Variants in LMNB2 observed in about 807,000 individuals in gnomAD.
LMNB2 encodes lamin-B2.
Under a neutral mutation model 69.3 loss-of-function variants are expected in LMNB2, and 17 were observed. The observed-to-expected ratio is 0.25, with a 90% CI of 0.17 to 0.37. The LOEUF is 0.37. Ranked by LOEUF, LMNB2 falls within the 10% of genes least tolerant of loss-of-function variation. LMNB2 has a pLI of 1.00. For missense variants in LMNB2, 789 were observed against 883.6 expected, an observed-to-expected ratio of 0.89 and a Z score of 1.36; for synonymous variants, 397 against 389.3, an observed-to-expected ratio of 1.02 and a Z score of -0.23.
At chr19:2,439,190 T>C (rs909421729) in intron 2 of LMNB2, among the ~76,000 whole-genome samples, 1 of 151,884 alleles carries the variant, frequency 6.6e-6, no homozygotes, top group Non-Finnish European at 1.5e-5. Context: ...GGCTGACTCT[T>C]AAATGTTTTT....
rs1174520108 is a variant in LMNB2 at position 2,456,528 on chromosome 19, C to T, written c.264+142G>A. Reference sequence around the variant, plus strand: ...CGAGCTGCACCCCTCACTCAGGGGCCCCCCGAAACCCCGCGGAAACCCCCG... The same window carrying T: ...CGAGCTGCACCCCTCACTCAGGGGCTCCCCGAAACCCCGCGGAAACCCCCG... On this transcript the variant is annotated intron_variant, in intron 1 of 11. Coordinates refer to ENST00000325327, the MANE Select transcript of LMNB2 (RefSeq NM_032737.4). 8.4e-5 allele frequency: 73 copies of T among 866,188 alleles called. 1 individual carries two copies. The highest frequency in any genetic ancestry group is 9.3e-6 in the Non-Finnish European group (6 of 644,122). 53.7% of individuals were successfully genotyped at this position (866,188 alleles called of 1,614,324 possible).
At position 2,430,459 on chromosome 19, in the gene LMNB2, C is replaced by T. The variant is rs529395578; in HGVS notation, c.*452G>A. The stretch of plus-strand genomic sequence containing the variant: ...GGCAGCCAGAATGCAGGCTTGGCCC[C>T]GGGCCCCACCAGGTCGACGCCTGGA... On this transcript the variant is annotated 3_prime_UTR_variant, in exon 12 of 12. Coordinates refer to ENST00000325327, the MANE Select transcript of LMNB2 (RefSeq NM_032737.4). 1,560 of 280,074 alleles carry T rather than the reference C, an allele frequency of 5.6e-3. 20 individuals carry two copies. The highest frequency in any genetic ancestry group is 0.011 in the South Asian group (301 of 28,538). 17.3% of individuals were successfully genotyped at this position (280,074 alleles called of 1,614,324 possible). A position where few individuals can be genotyped will look rare whatever the true frequency, so the allele number is the denominator to read the frequency against.
chr19:2,450,891 A>G (rs1972014405), intron 1 of LMNB2, among the ~76,000 whole-genome samples: 1 of 150,484 alleles, frequency 6.6e-6, no homozygotes, highest in Non-Finnish European at 1.5e-5. Context: ...CGGCCTCCCA[A>G]AGTGCTGGGA....
intron 8 of LMNB2, 143 bp from the exon 9 acceptor site, chr19:2,432,666 C>G: frequency 1.3e-6 from 1 of 753,140 alleles, no homozygotes; most frequent in Non-Finnish European, 2.4e-6. Context: ...CTGGTCATTC[C>G]AGTCACCTTG....
At chr19:2,437,932 T>G (rs980735231) in intron 4 of LMNB2, among the ~76,000 whole-genome samples, 1 of 152,172 alleles carries the variant, frequency 6.6e-6, no homozygotes, top group Non-Finnish European at 1.5e-5. Flanking sequence ...CAAGTGTCCT[T>G]GTAGGATACA....
At chr19:2,434,666 C>T (rs1201149530) in intron 6 of LMNB2, 122 bp downstream of exon 6, 10 of 1,504,950 alleles carry the variant, frequency 6.6e-6, no homozygotes, top group East Asian at 4.9e-5. Context: ...GAAGGGGCAT[C>T]GCTGGGCGCC....
chr19:2,440,161 C>T lies in LMNB2; in HGVS notation c.402-1630G>A, dbSNP rs375083158. ...CTGTATTTATCTATATAATCTATGT[C>T]CGTATATATCAATTCTACAGATGGC... is the stretch of plus-strand genomic sequence containing the variant. On this transcript the variant is annotated intron_variant, in intron 2 of 11. Coordinates refer to ENST00000325327, the MANE Select transcript of LMNB2 (RefSeq NM_032737.4). Among the ~76,000 whole-genome samples the T allele has an allele frequency of 1.6e-3, 238 of 151,848 alleles. 1 individual carries two copies. Among genetic ancestry groups the T allele is most frequent in the African/African-American group, 5.3e-3 (219 of 41,410 alleles).
In LMNB2 at chr19:2,444,484, C is replaced by A. The variant is rs765256989; in HGVS notation, c.321G>T (p.Leu107=). The part of the protein sequence containing the change: ...ESELADARRV[L]DETARERARL... ...GGGCACGCTCTCGAGCCGTCTCATC[C>A]AGGACTCTCCGGGCATCGGCCAGCT... is the stretch of plus-strand genomic sequence containing the variant. The change falls in exon 2 of 12, where the codon CTG becomes CTT. Residue 107 remains leucine, a synonymous_variant. Transcript: ENST00000325327. 1 of 1,613,348 alleles carries A rather than the reference C, an allele frequency of 6.2e-7. No individual in the cohort carries two copies. Among genetic ancestry groups the A allele is most frequent in the African/African-American group, 1.3e-5 (1 of 74,948 alleles).
intron 2 of LMNB2, among the ~76,000 whole-genome samples, chr19:2,439,985 G>A (rs1347729806): frequency 1.3e-5 from 2 of 151,852 alleles, no homozygotes; most frequent in Non-Finnish European, 2.9e-5. Context: ...TGCCCGCCTC[G>A]GCCTCCAAAG....
chr19:2,432,396 C>T lies in LMNB2; in HGVS notation c.1590+20G>A. Reference sequence around the variant, plus strand: ...ACACCCCATCCGTGGCCACCCTCGCCCTCCTGCCCCACCACCTACCGTGAC... The same window carrying T: ...ACACCCCATCCGTGGCCACCCTCGCTCTCCTGCCCCACCACCTACCGTGAC... On this transcript the variant is annotated intron_variant, in intron 9 of 11. Coordinates refer to ENST00000325327, the MANE Select transcript of LMNB2 (RefSeq NM_032737.4). The T allele has an allele frequency of 1.2e-6, 2 of 1,605,366 alleles. No individual in the cohort carries two copies. Among genetic ancestry groups the T allele is most frequent in the Non-Finnish European group, 1.7e-6 (2 of 1,176,048 alleles).
intron 4 of LMNB2, among the ~76,000 whole-genome samples, chr19:2,437,366 G>GT (rs1252234597): frequency 3.9e-5 from 6 of 152,266 alleles, no homozygotes; most frequent in African/African-American, 1.4e-4. Context: ...AGGCTGGACG[G>GT]TGGCACCCAG....
intron 1 of LMNB2, among the ~76,000 whole-genome samples, chr19:2,455,495 A>G (rs983074550): frequency 2.0e-5 from 3 of 152,018 alleles, no homozygotes; most frequent in Non-Finnish European, 4.4e-5. Context: ...GGAGCCCCCA[A>G]ATCCCCAGGA....
intron 4 of LMNB2, among the ~76,000 whole-genome samples, 186 bp from the exon 5 acceptor site, chr19:2,435,357 T>TCAGC (rs1182421337): frequency 6.6e-6 from 1 of 152,176 alleles, no homozygotes; most frequent in Non-Finnish European, 1.5e-5. Context: ...AGAACGTGAC[T>TCAGC]CAGCCACGAA....
chr19:2,444,646 C>T (rs563844834), intron 1 of LMNB2, 106 bp from the exon 2 acceptor site: 341 of 1,446,166 alleles, frequency 2.4e-4, no homozygotes, highest in Middle Eastern at 1.4e-3. Context: ...GGGACTGGCA[C>T]GCAGAGAGAG....
In LMNB2 at chr19:2,453,006, A is replaced by ATGGGGGCTGGGTCATCCTCG. The variant is rs767889605; in HGVS notation, c.264+3644_264+3663dup. Among the ~76,000 whole-genome samples, 1 of 61,682 alleles carries ATGGGGGCTGGGTCATCCTCG rather than the reference A, an allele frequency of 1.6e-5. No individual in the cohort carries two copies. Among genetic ancestry groups the ATGGGGGCTGGGTCATCCTCG allele is most frequent in the Admixed American group, 2.2e-4 (1 of 4,594 alleles). The allele number at this position is 61,682 out of a possible 152,430, so 40.5% of individuals were successfully genotyped here. On this transcript the variant is annotated intron_variant, in intron 1 of 11. Transcript: ENST00000325327. The surrounding 1 kb of genome is among the most constrained non-coding windows in gnomAD (Gnocchi z 4.4). ...TCCTAATGGGGGCTGGGTCATCCTAATGGGGGCTGGGTCATCCTCGTGGGG... is the reference window on the plus strand; with the variant it reads ...TCCTAATGGGGGCTGGGTCATCCTAATGGGGGCTGGGTCATCCTCGTGGGGGCTGGGTCATCCTCGTGGGG...
chr19:2,449,887 C>A (rs1972000455), intron 1 of LMNB2, among the ~76,000 whole-genome samples: 1 of 151,910 alleles, frequency 6.6e-6, no homozygotes, highest in Non-Finnish European at 1.5e-5. Flanking sequence ...ACCAGCCTGA[C>A]CAACATGGAG....
intron 1 of LMNB2, among the ~76,000 whole-genome samples, chr19:2,452,895 G>A (rs552285657): frequency 1.3e-5 from 2 of 151,576 alleles, no homozygotes; most frequent in Admixed American, 6.6e-5. Context: ...CATGGAGGCT[G>A]CGTCATCCTC....
At chr19:2,435,461 G>A (rs988420024) in intron 4 of LMNB2, among the ~76,000 whole-genome samples, 4 of 152,164 alleles carry the variant, frequency 2.6e-5, no homozygotes, top group South Asian at 2.1e-4. Context: ...CACACGGTGC[G>A]TGATCCCATT....
intron 1 of LMNB2, among the ~76,000 whole-genome samples, chr19:2,448,939 G>C (rs1206509841): frequency 6.6e-6 from 1 of 152,154 alleles, no homozygotes; most frequent in Admixed American, 6.6e-5. Flanking sequence ...ACCCAGCCTG[G>C]AGAGCAATGC....
Sources: gnomAD v4.1 joint callset for allele counts (sites outside exome capture counted in the v4.1 genomes callset) on GRCh38, gnomAD v4.1.1 for gene constraint, Gnocchi (gnomAD v3.1) non-coding constraint, MANE v1.5 for transcripts, NCBI Gene and HGNC (gene_info 2026-07-23, HGNC 2026-07-21) for gene names.